ZNF878: variants seen among roughly 807,000 people sequenced by gnomAD.
ZNF878 encodes the protein zinc finger protein 878.
Under a neutral mutation model 11.1 loss-of-function variants are expected in ZNF878, and 10 were observed. The observed-to-expected ratio is 0.90, with a 90% CI of 0.56 to 1.53. The LOEUF (loss-of-function observed/expected upper bound fraction) is 1.53. Ranked by LOEUF, ZNF878 falls within the 40% of genes most tolerant of loss-of-function variation. The pLI is 0.00. For missense variants in ZNF878, 548 were observed against 626.1 expected (o/e 0.88, Z 1.33); for synonymous variants, 165 against 209.7 (o/e 0.79, Z 1.84).
chr19:12,045,045 C>T lies in ZNF878; in HGVS notation c.356G>A (p.Arg119Lys). 1 of 1,614,030 alleles carries T rather than the reference C, an allele frequency of 6.2e-7. No individual in the cohort carries two copies. The highest frequency in any genetic ancestry group is 8.5e-7 in the Non-Finnish European group (1 of 1,179,976). ...GGAATAACTAAAGGCTCTGAGGTGC[C>T]TATTAAGGGATGAAAGACCTATGCC... ...EIGIGLSSLN[R>K]HLRAFSYSSS... is the part of the protein sequence containing the mutation. The change falls in exon 4 of 4, where the codon AGG becomes AAG. Residue 119 changes from arginine (R) to lysine (K), a missense_variant. By Grantham distance (26) the Arg-to-Lys change is conservative. Coordinates refer to ENST00000547628, the MANE Select transcript of ZNF878 (RefSeq NM_001080404.3).
intron 1 of ZNF878, among the ~76,000 whole-genome samples, chr19:12,052,206 T>C (rs1975558416): frequency 6.6e-6 from 1 of 152,186 alleles, no homozygotes. Context: ...TGTCAGGAGC[T>C]GCCTCGGGAT....
At chr19:12,051,367 AAATT>A (rs1226964924) in intron 1 of ZNF878, among the ~76,000 whole-genome samples, 1 of 152,198 alleles carries the variant, frequency 6.6e-6, no homozygotes, top group Non-Finnish European at 1.5e-5. Context: ...TAGTTGTATT[AAATT>A]AATTGTACAA....
chr19:12,044,953 T>A lies in ZNF878; in HGVS notation c.448A>T (p.Lys150Ter), dbSNP rs751663823. ...EKPYECKECG[K>*]AFRFPSSVRR... is the part of the protein sequence containing the mutation. ...ACAGAACTGGGAAACCTGAATGCTT[T>A]CCCACATTCCTTACATTCATAAGGC... Residue 150 changes from lysine (K) to a stop codon, truncating the protein, a stop_gained, in exon 4 of 4, where the codon AAA becomes TAA. Transcript: ENST00000547628. LOFTEE classifies it low-confidence loss of function (END_TRUNC). 3 of 1,614,044 alleles carry A rather than the reference T, an allele frequency of 1.9e-6. No homozygotes were observed. Among genetic ancestry groups the A allele is most frequent in the Non-Finnish European group, 2.5e-6 (3 of 1,180,030 alleles).
Position 12,043,995 on chromosome 19 carries a change from T to A in ZNF878, c.1406A>T (p.His469Leu). 4 of 1,610,802 alleles carry A rather than the reference T, an allele frequency of 2.5e-6. No individual in the cohort carries two copies. The highest frequency in any genetic ancestry group is 3.4e-6 in the Non-Finnish European group (4 of 1,177,640). The change falls in exon 4 of 4, where the codon CAT (histidine) becomes CTT (leucine). Residue 469 changes from histidine to leucine, a missense_variant. Coordinates refer to ENST00000547628, the MANE Select transcript of ZNF878 (RefSeq NM_001080404.3). ...AFISSNSIRY[H>L]KRTHTGEKPY... ...TTTCTCTCCAGTGTGAGTCCTTTTA[T>A]GATAGCGAATAGAATTAGAAGAAAT...
intron 1 of ZNF878, among the ~76,000 whole-genome samples, chr19:12,049,694 T>G (rs928375235): frequency 3.4e-5 from 5 of 148,986 alleles, no homozygotes; most frequent in Admixed American, 6.7e-5. Flanking sequence ...CACTTGAACC[T>G]GGGAGGTGGA....
rs1381747386 is a variant in ZNF878, at chr19:12,045,081, C to T, written c.320G>A (p.Cys107Tyr). 1 of 1,613,764 alleles carries T rather than the reference C, an allele frequency of 6.2e-7. No homozygotes were observed. The highest frequency in any genetic ancestry group is 1.3e-5 in the African/African-American group (1 of 75,016). ...TGAAAGACCTATGCCGATTTCTCCA[C>T]ACACACTGCTTTCATATGATTGTAC... ...PGVQSYESSVCGEIGIGLSSL... is the reference protein window; with the variant it reads ...PGVQSYESSVYGEIGIGLSSL... The change falls in exon 4 of 4, where the codon TGT (cysteine) becomes TAT (tyrosine). Residue 107 changes from cysteine to tyrosine, a missense_variant. Cys to Tyr is a radical substitution (Grantham distance 194, BLOSUM62 -2). This residue lies in a region of ZNF878 where 160 missense variants were observed against 173.3 expected (regional missense o/e 0.92). Coordinates refer to ENST00000547628, the MANE Select transcript of ZNF878 (RefSeq NM_001080404.3).
chr19:12,052,658 C>T (rs1975562748), intron 1 of ZNF878, 141 bp downstream of exon 1: 1 of 1,065,126 alleles, frequency 9.4e-7, no homozygotes, highest in South Asian at 2.0e-5. Flanking sequence ...CCGAGGGGAC[C>T]GAGGGCCGAG....
At chr19:12,047,393 G>A (rs1014301082) in intron 1 of ZNF878, among the ~76,000 whole-genome samples, 4 of 151,652 alleles carry the variant, frequency 2.6e-5, no homozygotes, top group African/African-American at 9.7e-5. Flanking sequence ...GCAAAACCCC[G>A]TCTCTACTAA....
At position 12,044,663 on chromosome 19, in the gene ZNF878, C is replaced by A. The variant is rs375327847; in HGVS notation, c.738G>T (p.Glu246Asp). The change falls in exon 4 of 4, where the codon GAG becomes GAT. Residue 246 changes from glutamate to aspartate, a missense_variant. By Grantham distance (45) the Glu-to-Asp change is conservative. Transcript: ENST00000547628. ...FFSPSSLKRH[E>D]KSHTGEKRYK... ...AGCGTTTCTCTCCAGTGTGACTTTTCTCGTGTCTTTTTAACGAACTGGGAG... is the reference window on the plus strand; with the variant it reads ...AGCGTTTCTCTCCAGTGTGACTTTTATCGTGTCTTTTTAACGAACTGGGAG... 6.0e-5 allele frequency: 97 copies of A among 1,613,806 alleles called. No individual in the cohort carries two copies. The African/African-American group carries it at 1.2e-3, about 20-fold the overall frequency.
rs928212213 is a variant in ZNF878, at chr19:12,044,744, T to C, written c.657A>G (p.Arg219=). ...TATGAGGTCTCTCTCCAGTGTGCAT[T>C]CTCATGTGTGTCTGAAAGCTTACAA... is the stretch of plus-strand genomic sequence containing the variant. The part of the protein sequence containing the change: ...SYLVSFQTHM[R]MHTGERPHKC... The change falls in exon 4 of 4, where the codon AGA becomes AGG. Residue 219 remains arginine, a synonymous_variant. Transcript: ENST00000547628. The C allele has an allele frequency of 6.2e-7, 1 of 1,614,214 alleles. No individual in the cohort carries two copies.
Position 12,044,272 on chromosome 19 carries a change from T to C in ZNF878, c.1129A>G (p.Thr377Ala), listed in dbSNP as rs763685528. 2.1e-5 allele frequency: 34 copies of C among 1,613,866 alleles called. No individual in the cohort carries two copies. In the South Asian group the frequency reaches 2.7e-4, roughly 13 times the overall value. Residue 377 changes from threonine to alanine, a missense_variant, in exon 4 of 4, where the codon ACT (threonine) becomes GCT (alanine). Transcript: ENST00000547628. ...FECKQCGKTF[T>A]SSNSFHYHER... ...TGATAGTGAAAGGAATTGGAAGAAG[T>C]GAAGGTTTTCCCACATTGTTTACAT...
chr19:12,052,650 G>T, intron 1 of ZNF878, 149 bp downstream of exon 1: 2 of 974,532 alleles, frequency 2.1e-6, no homozygotes, highest in Admixed American at 3.7e-5. Flanking sequence ...CCCAGCGGCC[G>T]AGGGGACCGA....
chr19:12,050,229 G>GTAAA (rs57943946), intron 1 of ZNF878, among the ~76,000 whole-genome samples: 2,759 of 152,076 alleles, frequency 0.018, 72 homozygotes, highest in African/African-American at 0.053. Context: ...CGTCTCAAAA[G>GTAAA]TAAATAAATA....
intron 1 of ZNF878, among the ~76,000 whole-genome samples, chr19:12,048,652 G>GTATA: frequency 2.0e-5 from 3 of 149,546 alleles, no homozygotes; most frequent in African/African-American, 4.9e-5. Context: ...TGGCCAACCA[G>GTATA]GTGAAACCAC....
At chr19:12,052,679 G>A (rs1975562973) in intron 1 of ZNF878, 120 bp downstream of exon 1, 4 of 1,298,866 alleles carry the variant, frequency 3.1e-6, no homozygotes, top group Admixed American at 2.5e-5. Flanking sequence ...CTGCGCTAGG[G>A]GGACTGTGTC....
chr19:12,044,290 G>T lies in ZNF878; in HGVS notation c.1111C>A (p.Gln371Lys), dbSNP rs1344931628. 6.2e-7 allele frequency: 1 copy of T among 1,613,946 alleles called. No individual in the cohort carries two copies. Among genetic ancestry groups the T allele is most frequent in the Non-Finnish European group, 8.5e-7 (1 of 1,179,994 alleles). Reference protein sequence around the residue: ...HTGEKPFECKQCGKTFTSSNS... With the variant: ...HTGEKPFECKKCGKTFTSSNS... ...GAAGAAGTGAAGGTTTTCCCACATT[G>T]TTTACATTCAAAGGGTTTCTCTCCA... The change falls in exon 4 of 4, where the codon CAA becomes AAA. Residue 371 changes from glutamine to lysine, a missense_variant. Around this residue, in one of 3 missense-constraint regions of ZNF878, gnomAD observed 335 missense variants for 358.2 expected, o/e 0.94. Transcript: ENST00000547628.
At chr19:12,051,982 G>T (rs916860856) in intron 1 of ZNF878, among the ~76,000 whole-genome samples, 3 of 152,170 alleles carry the variant, frequency 2.0e-5, no homozygotes, top group African/African-American at 7.2e-5. Context: ...GAATAACGTG[G>T]CAGATAACAG....
At chr19:12,046,513 G>A in intron 2 of ZNF878, 85 bp from the exon 3 acceptor site, 1 of 1,552,098 alleles carries the variant, frequency 6.4e-7, no homozygotes. Context: ...ATGGCTCATT[G>A]CACCTGTGTC....
intron 3 of ZNF878, among the ~76,000 whole-genome samples, chr19:12,045,813 G>A (rs1248953666): frequency 7.9e-5 from 12 of 151,836 alleles, no homozygotes; most frequent in African/African-American, 1.4e-4. Context: ...TGCAACCTCC[G>A]CCTCCCAGGT....
Sources: allele counts gnomAD v4.1 joint callset (sites outside exome capture counted in the v4.1 genomes callset), GRCh38; gene constraint gnomAD v4.1.1; regional missense constraint gnomAD v4.1.1; transcripts MANE v1.5; gene names NCBI Gene and HGNC (gene_info 2026-07-23, HGNC 2026-07-21).